Variants in PRKRA observed in about 807,000 individuals in gnomAD.
PRKRA encodes interferon-inducible double-stranded RNA-dependent protein kinase activator A.
In PRKRA, 22 loss-of-function variants were observed where a neutral mutation model predicts 32.4. The ratio of observed to expected loss-of-function variants is 0.68; its 90% confidence interval spans 0.49 to 0.97. The LOEUF (loss-of-function observed/expected upper bound fraction) is 0.97, where lower values mean the gene tolerates loss of function less well. Ranked by LOEUF, PRKRA falls within the 50% of genes least tolerant of loss-of-function variation. The pLI is 0.00. For synonymous variants in PRKRA, 139 were observed against 129.8 expected (o/e 1.07, Z -0.48); for missense variants, 319 against 375.6 (o/e 0.85, Z 1.25).
Position 178,451,065 on chromosome 2 carries a change from G to C in PRKRA, c.-35C>G. The stretch of plus-strand genomic sequence containing the variant: ...GGACGGCTCAGCGGCTGGAGGAAGA[G>C]CGGTGCGGAGCGACGTGCTCGCTCC... On this transcript the variant is annotated 5_prime_UTR_variant, in exon 1 of 8. Transcript: ENST00000325748. The C allele has an allele frequency of 6.5e-7, 1 of 1,545,010 alleles. No individual in the cohort carries two copies. Among genetic ancestry groups the C allele is most frequent in the Non-Finnish European group, 8.7e-7 (1 of 1,150,260 alleles).
chr2:178,450,815 C>T, intron 1 of PRKRA, 151 bp downstream of exon 1: 1 of 1,342,032 alleles, frequency 7.5e-7, no homozygotes, highest in Non-Finnish European at 9.5e-7. Flanking sequence ...ACCCTCGCCG[C>T]CGAGAGGGCG....
intron 6 of PRKRA, among the ~76,000 whole-genome samples, chr2:178,436,887 CTGAG>C (rs777582363): frequency 3.3e-5 from 5 of 152,268 alleles, no homozygotes; most frequent in South Asian, 2.1e-4. Context: ...CAGAACCCAA[CTGAG>C]TATTTTTTTC....
intron 1 of PRKRA, chr2:178,450,633 A>G: frequency 6.9e-7 from 1 of 1,448,950 alleles, no homozygotes; most frequent in Non-Finnish European, 9.0e-7. Context: ...TAGAGAGAGC[A>G]CTTGAATGCG....
intron 3 of PRKRA, among the ~76,000 whole-genome samples, chr2:178,446,348 G>A (rs887303679): frequency 1.3e-5 from 2 of 152,184 alleles, no homozygotes; most frequent in African/African-American, 4.8e-5. Flanking sequence ...TGACCCTAGA[G>A]AATCAAGCAT....
chr2:178,436,878 A>G (rs1696921261), intron 6 of PRKRA, among the ~76,000 whole-genome samples: 1 of 152,186 alleles, frequency 6.6e-6, no homozygotes, highest in African/African-American at 2.4e-5. Flanking sequence ...CTTCTATCCC[A>G]GAACCCAACT....
rs1399381527 is a variant in PRKRA, at chr2:178,447,552, T to A, written c.270A>T (p.Arg90Ser). Residue 90 changes from arginine (R) to serine (S), a missense_variant, in exon 3 of 8, where the codon AGA (arginine) becomes AGT (serine). Coordinates refer to ENST00000325748, the MANE Select transcript of PRKRA (RefSeq NM_003690.5). ...AAATGTTTATGGCAGCCTCTGCAGCTCTATGTTTCGCCAGCTTCTTACTTG... is the reference window on the plus strand; with the variant it reads ...AAATGTTTATGGCAGCCTCTGCAGCACTATGTTTCGCCAGCTTCTTACTTG... ...EGTSKKLAKH[R>S]AAEAAINILK... 8 of 1,614,174 alleles carry A rather than the reference T, an allele frequency of 5.0e-6. No individual in the cohort carries two copies. The highest frequency in any genetic ancestry group is 6.8e-6 in the Non-Finnish European group (8 of 1,180,004).
intron 5 of PRKRA, 108 bp downstream of exon 5, chr2:178,443,159 T>C (rs1697180636): frequency 3.4e-6 from 2 of 587,714 alleles, no homozygotes; most frequent in African/African-American, 1.9e-5. Flanking sequence ...AAGAGGAGTG[T>C]ATCAATTTTT....
chr2:178,438,085 T>C (rs1199950337), intron 6 of PRKRA, among the ~76,000 whole-genome samples: 3 of 152,232 alleles, frequency 2.0e-5, no homozygotes, highest in African/African-American at 7.2e-5. Context: ...TTCCCACTTT[T>C]TTATTGTCTT....
Position 178,444,473 on chromosome 2 carries a change from A to G in PRKRA, c.345T>C (p.Pro115=), listed in dbSNP as rs2154125215. 1 of 1,606,014 alleles carries G rather than the reference A, an allele frequency of 6.2e-7. No individual in the cohort carries two copies. Among genetic ancestry groups the G allele is most frequent in the Non-Finnish European group, 8.5e-7 (1 of 1,172,754 alleles). The change falls in exon 4 of 8, where the codon CCT becomes CCC. Residue 115 remains proline, a synonymous_variant. Transcript: ENST00000325748. ...GGTTCTTTGGTTGCTTGGAAGGGTC[A>G]GGCATTAAGGGGTCAGGAACTGCAA... The part of the protein sequence containing the change: ...ICFAVPDPLM[P]DPSKQPKNQL...
At chr2:178,449,936 T>C in intron 2 of PRKRA, 1 of 462,470 alleles carries the variant, frequency 2.2e-6, no homozygotes, top group African/African-American at 2.0e-5. Context: ...GAACCTTTCC[T>C]GCTTCCCTCT....
At chr2:178,437,678 C>A (rs892581492) in intron 6 of PRKRA, among the ~76,000 whole-genome samples, 5 of 152,228 alleles carry the variant, frequency 3.3e-5, no homozygotes, top group Non-Finnish European at 7.3e-5. Flanking sequence ...CTCCTACCAA[C>A]TGTCTTGGAG....
At position 178,451,131 on chromosome 2, in the gene PRKRA, C is replaced by G; in HGVS notation, c.-101G>C. On this transcript the variant is annotated 5_prime_UTR_variant, in exon 1 of 8. Transcript: ENST00000325748. Reference sequence around the variant, plus strand: ...CCGGGAGGAGCTCCAGCGCCGCCACCTCCTCCGACTCCCCCGCCTCCTGCT... The same window carrying G: ...CCGGGAGGAGCTCCAGCGCCGCCACGTCCTCCGACTCCCCCGCCTCCTGCT... 7.5e-7 allele frequency: 1 copy of G among 1,334,870 alleles called. No individual in the cohort carries two copies. The highest frequency in any genetic ancestry group is 1.4e-5 in the South Asian group (1 of 72,272). The allele number at this position is 1,334,870 out of a possible 1,614,324, so 82.7% of individuals were successfully genotyped here.
chr2:178,449,996 C>G, intron 2 of PRKRA: 2 of 582,366 alleles, frequency 3.4e-6, no homozygotes, highest in Non-Finnish European at 6.1e-6. Flanking sequence ...AAGAGCCATG[C>G]AGGATCCAGC....
chr2:178,443,335 T>C lies in PRKRA; in HGVS notation c.446A>G (p.Gln149Arg). The C allele has an allele frequency of 6.2e-7, 1 of 1,613,434 alleles. No individual in the cohort carries two copies. Residue 149 changes from glutamine (Q) to arginine (R), a missense_variant, in exon 5 of 8, where the codon CAG (glutamine) becomes CGG (arginine). Coordinates refer to ENST00000325748, the MANE Select transcript of PRKRA (RefSeq NM_003690.5). The part of the protein sequence containing the change: ...GWRLPEYTLS[Q>R]EGGPAHKREY... Reference sequence around the variant, plus strand: ...TCTCTTATGAGCAGGTCCTCCCTCCTGGGAAAGGGTATATTCAGGAAGTCT... The same window carrying C: ...TCTCTTATGAGCAGGTCCTCCCTCCCGGGAAAGGGTATATTCAGGAAGTCT...
chr2:178,431,877 T>A lies in PRKRA; in HGVS notation c.*220A>T. 1.7e-6 allele frequency: 1 copy of A among 603,706 alleles called. No homozygotes were observed. The highest frequency in any genetic ancestry group is 2.9e-6 in the Non-Finnish European group (1 of 348,902). 37.4% of individuals were successfully genotyped at this position (603,706 alleles called of 1,614,324 possible). A position where few individuals can be genotyped will look rare whatever the true frequency, so the allele number is the denominator to read the frequency against. On this transcript the variant is annotated 3_prime_UTR_variant, in exon 8 of 8. Coordinates refer to ENST00000325748, the MANE Select transcript of PRKRA (RefSeq NM_003690.5). ...AAAATGGGTGCTACACTCTCTCTTG[T>A]GGTACAAAGTTTATAAATACAGTAT...
At chr2:178,440,910 TCTTTA>T (rs1258760525) in intron 6 of PRKRA, among the ~76,000 whole-genome samples, 1 of 152,204 alleles carries the variant, frequency 6.6e-6, no homozygotes, top group African/African-American at 2.4e-5. Flanking sequence ...ATTTAATCCC[TCTTTA>T]CTTTGCTGGC....
At chr2:178,439,592 TTTCTC>T (rs1177853573) in intron 6 of PRKRA, 1 of 152,226 alleles carries the variant, frequency 6.6e-6, no homozygotes, top group Non-Finnish European at 1.5e-5. Flanking sequence ...TTCGTACTGT[TTTCTC>T]TTGTCTAATT....
intron 7 of PRKRA, among the ~76,000 whole-genome samples, chr2:178,434,830 A>G (rs1696820780): frequency 6.6e-6 from 1 of 151,978 alleles, no homozygotes; most frequent in African/African-American, 2.4e-5. Flanking sequence ...TGTTAAATCA[A>G]GATACTTTGG....
At chr2:178,450,542 C>T in intron 1 of PRKRA, 131 bp from the exon 2 acceptor site, 1 of 1,558,226 alleles carries the variant, frequency 6.4e-7, no homozygotes, top group East Asian at 2.3e-5. Context: ...AGGGCCAGAG[C>T]TGGCGAGGCT....
Sources: gnomAD v4.1 joint callset for allele counts (sites outside exome capture counted in the v4.1 genomes callset) on GRCh38, gnomAD v4.1.1 for gene constraint, MANE v1.5 for transcripts, NCBI Gene and HGNC (gene_info 2026-07-23, HGNC 2026-07-21) for gene names.